Variants in ACTR8 observed in about 807,000 individuals in gnomAD.
ACTR8 encodes the protein actin related protein 8.
Under a neutral mutation model 84.3 loss-of-function variants are expected in ACTR8, and 70 were observed. The ratio of observed to expected loss-of-function variants is 0.83; its 90% CI spans 0.68 to 1.01. The LOEUF (loss-of-function observed/expected upper bound fraction) is 1.01, where lower values mean the gene tolerates loss of function less well. Among genes scored for constraint, ACTR8 ranks in the 50% least tolerant of loss-of-function variants. The pLI, the probability that ACTR8 is intolerant of heterozygous loss-of-function variation, is 0.00. For synonymous variants in ACTR8, 268 were observed against 275.2 expected (o/e 0.97, Z 0.26); for missense variants, 672 against 775.4 (o/e 0.87, Z 1.58).
chr3:53,864,893 T>C (rs774474582), downstream of ACTR8: 22 of 1,614,194 alleles, frequency 1.4e-5, no homozygotes, highest in Non-Finnish European at 1.9e-5. Context: ...GAGGTCATCC[T>C]TGAAAAGTGG....
chr3:53,860,036 T>C, the ACTR8 span: 3 of 846,066 alleles, frequency 3.5e-6, no homozygotes, highest in Non-Finnish European at 5.6e-6. Context: ...AAAAAATAAA[T>C]AAACCTCTAT....
downstream of ACTR8, among the ~76,000 whole-genome samples, chr3:53,863,892 G>C (rs1180962613): frequency 6.7e-6 from 1 of 148,394 alleles, no homozygotes; most frequent in Non-Finnish European, 1.5e-5. Context: ...GTGTGATCTT[G>C]GCTCACTGCA....
At chr3:53,873,936 C>A (rs13060523) in intron 8 of ACTR8, among the ~76,000 whole-genome samples, 6 of 152,082 alleles carry the variant, frequency 3.9e-5, no homozygotes, top group African/African-American at 1.4e-4. Flanking sequence ...GCCATTCTCC[C>A]GCCTCAGCCT....
the ACTR8 span, chr3:53,861,004 T>C: frequency 6.6e-6 from 1 of 152,236 alleles, no homozygotes; most frequent in African/African-American, 2.4e-5. Context: ...CAGTGCGTAC[T>C]GTCCTGCTGT....
chr3:53,875,129 G>C (rs1008727348), intron 7 of ACTR8, among the ~76,000 whole-genome samples: 5 of 152,200 alleles, frequency 3.3e-5, no homozygotes, highest in African/African-American at 1.2e-4. Context: ...TAGGAAACCT[G>C]GGTCCAGCAT....
At chr3:53,872,715 A>G (rs143086770) in intron 9 of ACTR8, among the ~76,000 whole-genome samples, 191 bp from the exon 10 acceptor site, 19 of 152,298 alleles carry the variant, frequency 1.2e-4, no homozygotes, top group African/African-American at 4.6e-4. Context: ...TCATCATCCA[A>G]CCAGATGGGT....
chr3:53,874,132 T>TA, intron 8 of ACTR8, 79 bp downstream of exon 8: 1 of 1,482,626 alleles, frequency 6.7e-7, no homozygotes, highest in South Asian at 1.3e-5. Context: ...CCAATGCTGT[T>TA]ACATTTTTAA....
At chr3:53,871,052 G>T in intron 11 of ACTR8, 180 bp downstream of exon 11, 6 of 858,346 alleles carry the variant, frequency 7.0e-6, no homozygotes, top group Non-Finnish European at 1.0e-5. Context: ...CTTCCACTAG[G>T]CTATAAACCC....
At chr3:53,873,985 C>T (rs145412544) in intron 8 of ACTR8, among the ~76,000 whole-genome samples, 11,025 of 152,060 alleles carry the variant, frequency 0.073, 608 homozygotes, top group Middle Eastern at 0.16. Context: ...CCACCACGCC[C>T]GGCTAATTTT....
In ACTR8 at chr3:53,877,673, G is replaced by A. The variant is rs1699997339; in HGVS notation, c.484C>T (p.His162Tyr). 3 of 1,613,926 alleles carry A rather than the reference G, an allele frequency of 1.9e-6. No individual in the cohort carries two copies. The highest frequency in any genetic ancestry group is 1.1e-5 in the South Asian group (1 of 91,076). The stretch of plus-strand genomic sequence containing the variant: ...TCTTCTCCTACTAAATACTCAGGGT[G>A]ATGAGATGTGTTTGTCCACTTATTT... ...SGNKWTNTSH[H>Y]PEYLVGEEAL... The change falls in exon 4 of 13, where the codon CAC (histidine) becomes TAC (tyrosine). Residue 162 changes from histidine (H) to tyrosine (Y), a missense_variant. Coordinates refer to ENST00000335754, the MANE Select transcript of ACTR8 (RefSeq NM_022899.5).
At position 53,868,223 on chromosome 3, in the gene ACTR8, T is replaced by G. The variant is rs748283335; in HGVS notation, c.*496A>C. ...AAAAACCACCAAAACTTTTTCCCCC[T>G]ATTTGGGATTCTAAGAGGACACATG... is the stretch of plus-strand genomic sequence containing the variant. On this transcript the variant is annotated 3_prime_UTR_variant, in exon 13 of 13. Coordinates refer to ENST00000335754, the MANE Select transcript of ACTR8 (RefSeq NM_022899.5). 6.6e-6 allele frequency: 1 copy of G among 152,194 alleles called. No homozygotes were observed. Among genetic ancestry groups the G allele is most frequent in the Admixed American group, 6.5e-5 (1 of 15,270 alleles). The allele number at this position is 152,194 out of a possible 1,614,324, so 9.4% of individuals were successfully genotyped here.
At chr3:53,865,363 GA>G (rs954586240), downstream of ACTR8, 1 of 1,376,966 alleles carries the variant, frequency 7.3e-7, no homozygotes, top group Non-Finnish European at 9.8e-7. Flanking sequence ...CAATTACAGG[GA>G]AAAAACGTGT....
chr3:53,859,094 G>C, the ACTR8 span: 1 of 312,746 alleles, frequency 3.2e-6, no homozygotes, highest in Middle Eastern at 8.4e-4. Flanking sequence ...GATGTTCTGA[G>C]TGCCACAAGG....
At chr3:53,860,671 T>C in the ACTR8 span, 1 of 152,522 alleles carries the variant, frequency 6.6e-6, no homozygotes, top group Admixed American at 6.5e-5. Context: ...TACACCTGGA[T>C]TTTTTCAATA....
chr3:53,865,127 A>C (rs761806178), downstream of ACTR8: 5 of 1,614,202 alleles, frequency 3.1e-6, no homozygotes, highest in Non-Finnish European at 4.2e-6. Flanking sequence ...CTGCACAAAT[A>C]CGTGGTGGTC....
At chr3:53,864,970 A>G (rs978342154), downstream of ACTR8, 15 of 1,614,084 alleles carry the variant, frequency 9.3e-6, no homozygotes, top group Admixed American at 2.5e-4. Flanking sequence ...GGCAGCAGAC[A>G]AAGTCGTCTT....
chr3:53,877,369 G>C lies in ACTR8; in HGVS notation c.529C>G (p.Leu177Val). 1.9e-6 allele frequency: 3 copies of C among 1,609,080 alleles called. No individual in the cohort carries two copies. Among genetic ancestry groups the C allele is most frequent in the Non-Finnish European group, 2.5e-6 (3 of 1,178,534 alleles). The part of the protein sequence containing the change: ...VGEEALYVNP[L>V]DCYNIHWPIR... The stretch of plus-strand genomic sequence containing the variant: ...GGCCAGTGAATATTGTAACAGTCCA[G>C]TGGATTAACATACAAGGCCTAGAAA... The change falls in exon 5 of 13, where the codon CTG (leucine) becomes GTG (valine). Residue 177 changes from leucine to valine, a missense_variant. Leu to Val is a conservative substitution (Grantham distance 32). Transcript: ENST00000335754.
chr3:53,874,126 T>C (rs887244200), intron 8 of ACTR8, 85 bp downstream of exon 8: 5 of 1,403,946 alleles, frequency 3.6e-6, no homozygotes, highest in Middle Eastern at 2.5e-4. Flanking sequence ...GCCCAGCCAA[T>C]GCTGTTACAT....
chr3:53,865,271 G>C, downstream of ACTR8: 1 of 1,609,868 alleles, frequency 6.2e-7, no homozygotes, highest in East Asian at 2.2e-5. Context: ...GCAGGAAAAA[G>C]ATCACAAGCC....
Sources: gnomAD v4.1 joint callset for allele counts (sites outside exome capture counted in the v4.1 genomes callset) on GRCh38, gnomAD v4.1.1 for gene constraint, MANE v1.5 for transcripts, NCBI Gene and HGNC (gene_info 2026-07-23, HGNC 2026-07-21) for gene names.